Variants in P2RX3 observed in about 807,000 individuals in gnomAD.
P2RX3 encodes the protein purinergic receptor P2X 3, also known as P2X purinoceptor 3.
Under a neutral mutation model 51.5 loss-of-function variants are expected in P2RX3, and 41 were observed. The ratio of observed to expected loss-of-function variants is 0.80; its 90% CI spans 0.62 to 1.03. The LOEUF is 1.03. Among genes scored for constraint, P2RX3 ranks in the 50% least tolerant of loss-of-function variants. The pLI is 0.00. For missense variants in P2RX3, 459 were observed against 522.1 expected (o/e 0.88, Z 1.18); for synonymous variants, 185 against 191.6 (o/e 0.97, Z 0.29).
At chr11:57,337,350 G>GAAAAAAA (rs11339711), upstream of P2RX3, among the ~76,000 whole-genome samples, 6 of 73,498 alleles carry the variant, frequency 8.2e-5, no homozygotes, top group Non-Finnish European at 1.3e-4. Flanking sequence ...AGGAAAGAAA[G>GAAAAAAA]AAAAAAAAAA....
chr11:57,336,092 A>G (rs1856215367), upstream of P2RX3, among the ~76,000 whole-genome samples: 1 of 152,072 alleles, frequency 6.6e-6, no homozygotes, highest in South Asian at 2.1e-4. Context: ...CTAAAGAGAA[A>G]TTGTGTAGTT....
Position 57,366,044 on chromosome 11 carries a change from C to T in P2RX3, c.843-1965C>T, listed in dbSNP as rs565056994. 1.2e-4 allele frequency among the ~76,000 whole-genome samples: 18 copies of T among 152,316 alleles called. No homozygotes were observed. The South Asian group carries it at 1.5e-3, about 12-fold the overall frequency. ...GAGAGGGAACAATGTGGACCCCACA[C>T]GGCTAAGGAGTTTTCTGGGCCCTTT... On this transcript the variant is annotated intron_variant, in intron 8 of 11. Transcript: ENST00000263314.
At chr11:57,350,296 CTTTTTT>C (rs1183553337) in intron 7 of P2RX3, 11 of 108,832 alleles carry the variant, frequency 1.0e-4, no homozygotes, top group South Asian at 6.7e-4. Context: ...GAGCCACAAC[CTTTTTT>C]TTTTTTTTTT....
chr11:57,358,230 A>C (rs1204465874), intron 8 of P2RX3, among the ~76,000 whole-genome samples: 1 of 152,238 alleles, frequency 6.6e-6, no homozygotes, highest in Non-Finnish European at 1.5e-5. Flanking sequence ...CTGCTCCTAC[A>C]GGTAGTGAGT....
chr11:57,336,695 CATAATCACAGTGACTGT>C (rs1253865796), upstream of P2RX3, among the ~76,000 whole-genome samples: 1 of 152,184 alleles, frequency 6.6e-6, no homozygotes, highest in African/African-American at 2.4e-5. Context: ...TATCTTCTGT[CATAATCACAGTGACTGT>C]ATGTTCAGAA....
At chr11:57,367,001 A>G (rs1203259562) in intron 8 of P2RX3, among the ~76,000 whole-genome samples, 6 of 152,252 alleles carry the variant, frequency 3.9e-5, no homozygotes, top group Admixed American at 2.0e-4. Flanking sequence ...GGATGAGGAC[A>G]TTCAAACCAT....
At position 57,365,453 on chromosome 11, in the gene P2RX3, G is replaced by A. The variant is rs558091656; in HGVS notation, c.843-2556G>A. Among the ~76,000 whole-genome samples, 6 of 152,248 alleles carry A rather than the reference G, an allele frequency of 3.9e-5. No individual in the cohort carries two copies. The East Asian group carries it at 5.8e-4, about 15-fold the overall frequency. ...CCCTGCCCTCTGATCTCCTCTCAGC[G>A]CCTTCCATTGGCTGAACCCACCTGG... On this transcript the variant is annotated intron_variant, in intron 8 of 11. Transcript: ENST00000263314.
intron 1 of P2RX3, among the ~76,000 whole-genome samples, chr11:57,343,398 C>A (rs540092204): frequency 9.2e-5 from 14 of 152,322 alleles, no homozygotes; most frequent in African/African-American, 3.1e-4. Context: ...GTTCAGGGGG[C>A]CAGCATGGCC....
rs756356528 is a variant in P2RX3, at chr11:57,368,110, C to A, written c.936+8C>A. 1.4e-5 allele frequency: 22 copies of A among 1,613,402 alleles called. No individual in the cohort carries two copies. The highest frequency in any genetic ancestry group is 1.9e-5 in the Non-Finnish European group (22 of 1,179,460). On this transcript the variant is annotated splice_region_variant and intron_variant, in intron 9 of 11. Transcript: ENST00000263314. ...GTGCTGGTATACGGGAATGTGAGTCCATGGGCCAGGCAGATGGGGTGGACA... is the reference window on the plus strand; with the variant it reads ...GTGCTGGTATACGGGAATGTGAGTCAATGGGCCAGGCAGATGGGGTGGACA...
intron 1 of P2RX3, 66 bp downstream of exon 1, chr11:57,338,735 G>C: frequency 1.9e-6 from 2 of 1,070,728 alleles, no homozygotes; most frequent in South Asian, 1.5e-5. Flanking sequence ...TCACCCTCCT[G>C]CCTCGGTGCT....
chr11:57,346,317 G>T (rs1856430621), intron 1 of P2RX3, among the ~76,000 whole-genome samples: 1 of 152,234 alleles, frequency 6.6e-6, no homozygotes, highest in Non-Finnish European at 1.5e-5. Flanking sequence ...CACTAGGGGA[G>T]AAAATGTCTA....
upstream of P2RX3, among the ~76,000 whole-genome samples, chr11:57,337,029 C>T (rs1408128881): frequency 1.3e-5 from 2 of 152,158 alleles, no homozygotes; most frequent in African/African-American, 4.8e-5. Flanking sequence ...CGGTGGCTCA[C>T]ACCTGTAATC....
At chr11:57,356,125 G>A (rs897506918) in intron 8 of P2RX3, among the ~76,000 whole-genome samples, 1 of 152,146 alleles carries the variant, frequency 6.6e-6, no homozygotes, top group African/African-American at 2.4e-5. Flanking sequence ...ACAGATCACA[G>A]CTCACCATCT....
At chr11:57,365,452 C>T (rs966950110) in intron 8 of P2RX3, among the ~76,000 whole-genome samples, 3 of 152,202 alleles carry the variant, frequency 2.0e-5, no homozygotes, top group South Asian at 2.1e-4. Context: ...CTCCTCTCAG[C>T]GCCTTCCATT....
intron 8 of P2RX3, among the ~76,000 whole-genome samples, chr11:57,354,343 G>A (rs976750992): frequency 3.9e-5 from 6 of 152,076 alleles, no homozygotes; most frequent in East Asian, 3.8e-4. Context: ...TCCGTGGGCC[G>A]CTTTAACTTA....
At chr11:57,365,275 G>A (rs887569137) in intron 8 of P2RX3, among the ~76,000 whole-genome samples, 4 of 152,238 alleles carry the variant, frequency 2.6e-5, no homozygotes, top group African/African-American at 9.6e-5. Context: ...GTAAAGGGAA[G>A]GGAACTAACC....
At position 57,346,932 on chromosome 11, in the gene P2RX3, GA is replaced by G. The variant is rs377022269; in HGVS notation, c.256-182del. ...GCAATCAAGGACAACACACATGGGA[GA>G]AGGGGGCCATGTGGGTGGCTGCAAA... On this transcript the variant is annotated intron_variant, in intron 2 of 11. Transcript: ENST00000263314. Among the ~76,000 whole-genome samples, 15 of 152,338 alleles carry G rather than the reference GA, an allele frequency of 9.8e-5. No homozygotes were observed. The South Asian group carries it at 3.1e-3, about 32-fold the overall frequency.
chr11:57,369,819 TG>T, intron 11 of P2RX3, 64 bp from the exon 12 acceptor site: 1 of 1,179,938 alleles, frequency 8.5e-7, no homozygotes, highest in Non-Finnish European at 1.3e-6. Flanking sequence ...GTCTGTCAAA[TG>T]GGGTCACAAA....
At chr11:57,345,347 A>G (rs1856411897) in intron 1 of P2RX3, among the ~76,000 whole-genome samples, 1 of 152,084 alleles carries the variant, frequency 6.6e-6, no homozygotes, top group Admixed American at 6.6e-5. Context: ...TTTCTCCAAG[A>G]CTGGCTTCTG....
Sources: allele counts gnomAD v4.1 joint callset (sites outside exome capture counted in the v4.1 genomes callset), GRCh38; gene constraint gnomAD v4.1.1; transcripts MANE v1.5; gene names NCBI Gene and HGNC (gene_info 2026-07-23, HGNC 2026-07-21).